FAM167A: variants seen among roughly 807,000 people sequenced by gnomAD.
The protein encoded by FAM167A is family with sequence similarity 167 member A.
FAM167A carries 23 observed loss-of-function variants against 14.9 expected under a neutral mutation model. The ratio of observed to expected loss-of-function variants is 1.55; its 90% confidence interval spans 1.11 to 2.19. The LOEUF (loss-of-function observed/expected upper bound fraction) is 2.19, where lower values mean the gene tolerates loss of function less well. Ranked by LOEUF, FAM167A falls within the 30% of genes most tolerant of loss-of-function variation. The probability of loss-of-function intolerance (pLI) is 0.00; values close to 1 mark genes in which losing one functional copy is unlikely to be tolerated. For missense variants in FAM167A, 401 were observed against 281.5 expected (o/e 1.42, Z -3.04); for synonymous variants, 174 against 117.7 (o/e 1.48, Z -3.10).
In FAM167A at chr8:11,434,770, C is replaced by T. The variant is rs1241881977; in HGVS notation, c.381+9261G>A. On this transcript the variant is annotated intron_variant, in intron 2 of 2. Transcript: ENST00000284486. ...CCTCTGATGACATGATGACTCTGGA[C>T]AGGTGGCATGTGCCCTACACAGAGA... is the stretch of plus-strand genomic sequence containing the variant. The T allele has an allele frequency of 1.3e-5, 4 of 318,010 alleles. No individual in the cohort carries two copies. The East Asian group carries it at 3.3e-4, about 26-fold the overall frequency. The allele number at this position is 318,010 out of a possible 1,614,324, so 19.7% of individuals were successfully genotyped here. A position where few individuals can be genotyped will look rare whatever the true frequency, so the allele number is the denominator to read the frequency against.
rs1806619330 is a variant in FAM167A, at chr8:11,444,094, G to A, written c.318C>T (p.Ser106=). 1.9e-6 allele frequency: 3 copies of A among 1,613,572 alleles called. No individual in the cohort carries two copies. The highest frequency in any genetic ancestry group is 2.2e-5 in the East Asian group (1 of 44,884). ...RSASQGARPL[S]TGKLEGFQSI... ...TCTGAAAGCCTTCCAGCTTGCCAGT[G>A]GACAGGGGTCTGGCACCTTGGCTGG... The change falls in exon 2 of 3, where the codon TCC becomes TCT. Residue 106 remains serine, a synonymous_variant. Coordinates refer to ENST00000284486, the MANE Select transcript of FAM167A (RefSeq NM_053279.3).
Position 11,444,159 on chromosome 8 carries a change from G to A in FAM167A, c.253C>T (p.Leu85=), listed in dbSNP as rs1325466823. The change falls in exon 2 of 3, where the codon CTG becomes TTG. Residue 85 remains leucine, a synonymous_variant. Transcript: ENST00000284486. The part of the protein sequence containing the change: ...ERGGQEPLLP[L]REAGQHPPSA... ...GGGGGGTGCTGCCCAGCCTCTCTCAGGGGGAGCAAGGGCTCCTGCCCCCCA... is the reference window on the plus strand; with the variant it reads ...GGGGGGTGCTGCCCAGCCTCTCTCAAGGGGAGCAAGGGCTCCTGCCCCCCA... The A allele has an allele frequency of 3.7e-6, 6 of 1,612,902 alleles. No homozygotes were observed. The highest frequency in any genetic ancestry group is 1.3e-5 in the African/African-American group (1 of 74,932).
At chr8:11,448,551 G>C (rs899452609) in intron 1 of FAM167A, among the ~76,000 whole-genome samples, 3 of 152,210 alleles carry the variant, frequency 2.0e-5, no homozygotes, top group Admixed American at 6.5e-5. Flanking sequence ...GGTGGCCCAA[G>C]ACAATCCCTG....
chr8:11,445,934 G>A (rs1806757327), intron 1 of FAM167A, among the ~76,000 whole-genome samples: 1 of 151,136 alleles, frequency 6.6e-6, no homozygotes, highest in African/African-American at 2.4e-5. Context: ...CAGCAGCCTG[G>A]AGAGTAGGCC....
intron 2 of FAM167A, among the ~76,000 whole-genome samples, chr8:11,431,800 T>G (rs1407167984): frequency 7.7e-5 from 11 of 141,958 alleles, no homozygotes; most frequent in Non-Finnish European, 1.6e-4. Context: ...TGGAAGCTGA[T>G]GAGACCCTGA....
Position 11,444,498 on chromosome 8 carries a change from T to C in FAM167A, c.-87A>G. ...TGGGTGGCACAGTTGGGTCCCGCTC[T>C]GGGATGGCCTCATCCAGGTGCCCGA... On this transcript the variant is annotated 5_prime_UTR_variant, in exon 2 of 3. Coordinates refer to ENST00000284486, the MANE Select transcript of FAM167A (RefSeq NM_053279.3). 1 of 1,489,446 alleles carries C rather than the reference T, an allele frequency of 6.7e-7. No individual in the cohort carries two copies. Among genetic ancestry groups the C allele is most frequent in the South Asian group, 1.4e-5 (1 of 73,650 alleles). 92.3% of individuals were successfully genotyped at this position (1,489,446 alleles called of 1,614,324 possible). A position where few individuals can be genotyped will look rare whatever the true frequency, so the allele number is the denominator to read the frequency against.
intron 1 of FAM167A, among the ~76,000 whole-genome samples, chr8:11,462,416 G>A (rs372996608): frequency 2.0e-5 from 3 of 152,166 alleles, no homozygotes; most frequent in Admixed American, 2.0e-4. Context: ...TCAAGTTTAC[G>A]TGAATTTTTA....
At chr8:11,469,138 A>G (rs377495500), upstream of FAM167A, among the ~76,000 whole-genome samples, 9 of 152,248 alleles carry the variant, frequency 5.9e-5, no homozygotes, top group African/African-American at 2.2e-4. Context: ...GGGACACCAA[A>G]TCCTGTGTAC....
Position 11,421,930 on chromosome 8 carries a change from C to A in FAM167A, c.*2443G>T. 1 of 398,126 alleles carries A rather than the reference C, an allele frequency of 2.5e-6. No individual in the cohort carries two copies. The highest frequency in any genetic ancestry group is 1.3e-4 in the South Asian group (1 of 7,478). 24.7% of individuals were successfully genotyped at this position (398,126 alleles called of 1,614,324 possible). On this transcript the variant is annotated 3_prime_UTR_variant, in exon 3 of 3. Transcript: ENST00000284486. ...CTGAATTAATGTGGTTAGTTGTGTT[C>A]ACTGTGCAAAGTAAGGAAGCCAGTC...
intron 2 of FAM167A, among the ~76,000 whole-genome samples, chr8:11,428,982 G>T (rs889132402): frequency 6.6e-6 from 1 of 152,142 alleles, no homozygotes; most frequent in African/African-American, 2.4e-5. Context: ...ATACAACATA[G>T]AAGTTATCAT....
chr8:11,434,903 G>C (rs578076239), intron 2 of FAM167A: 1 of 398,352 alleles, frequency 2.5e-6, no homozygotes, highest in African/African-American at 2.0e-5. Context: ...AGAGAGAGTG[G>C]GAGAGATGTG....
chr8:11,462,632 T>G (rs1023206616), intron 1 of FAM167A, among the ~76,000 whole-genome samples: 1 of 152,230 alleles, frequency 6.6e-6, no homozygotes, highest in Non-Finnish European at 1.5e-5. Flanking sequence ...CTTCACCTTC[T>G]GCTTCCTTGG....
intron 1 of FAM167A, among the ~76,000 whole-genome samples, chr8:11,447,558 G>T (rs1188841515): frequency 6.6e-6 from 1 of 152,226 alleles, no homozygotes; most frequent in African/African-American, 2.4e-5. Context: ...ATCTGCCCAT[G>T]TGAGCCCCAA....
upstream of FAM167A, among the ~76,000 whole-genome samples, chr8:11,470,476 G>A (rs144801125): frequency 2.0e-5 from 3 of 152,312 alleles, no homozygotes; most frequent in East Asian, 5.8e-4. Context: ...GGCAGGTGCT[G>A]CGGCAGAGCC....
intron 1 of FAM167A, among the ~76,000 whole-genome samples, 193 bp downstream of exon 1, chr8:11,466,433 G>A (rs1023807847): frequency 1.4e-5 from 2 of 146,778 alleles, no homozygotes; most frequent in African/African-American, 5.4e-5. Context: ...CGAACCCGCG[G>A]GAGCGCATGA....
At chr8:11,427,759 T>C (rs942508094) in intron 2 of FAM167A, among the ~76,000 whole-genome samples, 1 of 152,202 alleles carries the variant, frequency 6.6e-6, no homozygotes, top group Admixed American at 6.5e-5. Context: ...GTCAGCAAGG[T>C]ATCTAATGGC....
upstream of FAM167A, among the ~76,000 whole-genome samples, chr8:11,471,938 G>C (rs754865862): frequency 5.9e-5 from 9 of 152,238 alleles, no homozygotes; most frequent in Non-Finnish European, 1.0e-4. Context: ...TGGGGCCTGA[G>C]GCCTCACTCC....
intron 2 of FAM167A, among the ~76,000 whole-genome samples, chr8:11,436,047 T>A (rs1313416701): frequency 9.9e-5 from 15 of 152,172 alleles, no homozygotes; most frequent in African/African-American, 3.6e-4. Flanking sequence ...TCAGGGCGGG[T>A]CCCCAGCCCA....
chr8:11,436,863 G>C (rs1806053741), intron 2 of FAM167A, among the ~76,000 whole-genome samples: 1 of 152,172 alleles, frequency 6.6e-6, no homozygotes, highest in Non-Finnish European at 1.5e-5. Flanking sequence ...GTGTCAGTAG[G>C]CTGCTAACCT....
Sources: allele counts gnomAD v4.1 joint callset (sites outside exome capture counted in the v4.1 genomes callset), GRCh38; gene constraint gnomAD v4.1.1; transcripts MANE v1.5; gene names NCBI Gene and HGNC (gene_info 2026-07-23, HGNC 2026-07-21).